Variants in MAN1C1 observed in about 807,000 individuals in gnomAD.
The protein encoded by MAN1C1 is mannosyl-oligosaccharide 1,2-alpha-mannosidase IC.
Under a neutral mutation model 71.5 loss-of-function variants are expected in MAN1C1, and 49 were observed. The ratio of observed to expected loss-of-function variants is 0.69; its 90% CI spans 0.54 to 0.87. The LOEUF is 0.87. Among genes scored for constraint, MAN1C1 ranks in the 40% least tolerant of loss-of-function variants. The pLI, the probability that MAN1C1 is intolerant of heterozygous loss-of-function variation, is 0.00. For synonymous variants in MAN1C1, 352 were observed against 343.7 expected, an observed-to-expected ratio of 1.02 and a Z score of -0.27; for missense variants, 743 against 835.0, an observed-to-expected ratio of 0.89 and a Z score of 1.36.
Position 25,617,676 on chromosome 1 carries a change from G to A in MAN1C1, c.-122G>A, listed in dbSNP as rs2045122939. On this transcript the variant is annotated 5_prime_UTR_variant, in exon 1 of 12. Transcript: ENST00000374332. The surrounding 1 kb of genome is among the most constrained non-coding windows in gnomAD (Gnocchi z 5.1). ...TCCCCCGAAGCGGCGAAACTCTCAG[G>A]GTTGGCAACCCTGCCCAGGGACCCC... The A allele has an allele frequency of 1.2e-6, 1 of 837,764 alleles. No individual in the cohort carries two copies. Among genetic ancestry groups the A allele is most frequent in the Non-Finnish European group, 1.8e-6 (1 of 565,932 alleles). 51.9% of individuals were successfully genotyped at this position (837,764 alleles called of 1,614,324 possible).
At chr1:25,745,500 G>GT (rs1041781339) in intron 2 of MAN1C1, among the ~76,000 whole-genome samples, 3 of 151,932 alleles carry the variant, frequency 2.0e-5, no homozygotes, top group Admixed American at 6.6e-5. Context: ...ATTATACTGT[G>GT]TTTTTTTCTT....
chr1:25,690,288 CTTTTT>C (rs33932251), intron 2 of MAN1C1, among the ~76,000 whole-genome samples: 2 of 119,760 alleles, frequency 1.7e-5, no homozygotes, highest in Non-Finnish European at 3.3e-5. Flanking sequence ...ATCTCTGCCT[CTTTTT>C]TTTTTTTTTT....
In MAN1C1 at chr1:25,743,748, A is replaced by G. The variant is rs559136376; in HGVS notation, c.638-2920A>G. On this transcript the variant is annotated intron_variant, in intron 2 of 11. Transcript: ENST00000374332. ...TGCCCTCCCAGCCTGATCTAGAGGA[A>G]GAAGGGCGCATGGGGTGAAAACACC... is the stretch of plus-strand genomic sequence containing the variant. Among the ~76,000 whole-genome samples the G allele has an allele frequency of 2.4e-3, 360 of 152,338 alleles. 1 individual carries two copies. Among genetic ancestry groups the G allele is most frequent in the Non-Finnish European group, 4.1e-3 (282 of 68,020 alleles).
At chr1:25,704,477 A>G (rs2046491059) in intron 2 of MAN1C1, among the ~76,000 whole-genome samples, 1 of 152,244 alleles carries the variant, frequency 6.6e-6, no homozygotes. Flanking sequence ...ACATCTGGGC[A>G]TCACTTGGCA....
intron 2 of MAN1C1, among the ~76,000 whole-genome samples, chr1:25,689,563 G>A (rs2046279061): frequency 5.9e-5 from 9 of 152,166 alleles, no homozygotes; most frequent in Admixed American, 5.9e-4. Flanking sequence ...GGGCATTCTT[G>A]GAGCCTGAGA....
At chr1:25,674,082 G>A (rs1449225702) in intron 1 of MAN1C1, among the ~76,000 whole-genome samples, 1 of 152,202 alleles carries the variant, frequency 6.6e-6, no homozygotes, top group Non-Finnish European at 1.5e-5. Flanking sequence ...CCAATGCAGT[G>A]GCTCCCAGGT....
intron 7 of MAN1C1, among the ~76,000 whole-genome samples, chr1:25,768,714 C>T (rs913001086): frequency 1.5e-5 from 2 of 132,774 alleles, no homozygotes; most frequent in African/African-American, 5.7e-5. Flanking sequence ...ACACTACATA[C>T]ACTCCCCCTA....
At chr1:25,687,145 A>C (rs1187576853) in intron 2 of MAN1C1, among the ~76,000 whole-genome samples, 2 of 152,144 alleles carry the variant, frequency 1.3e-5, no homozygotes, top group African/African-American at 4.8e-5. Context: ...AAGGGTATAG[A>C]GTCATGGCTC....
At chr1:25,661,432 G>C (rs751206102) in intron 1 of MAN1C1, among the ~76,000 whole-genome samples, 1 of 152,180 alleles carries the variant, frequency 6.6e-6, no homozygotes, top group Admixed American at 6.5e-5. Context: ...ATATGTTAAC[G>C]GCATGGTATG....
At chr1:25,686,623 T>A in intron 2 of MAN1C1, 87 bp downstream of exon 2, 1 of 1,134,872 alleles carries the variant, frequency 8.8e-7, no homozygotes, top group Non-Finnish European at 1.3e-6. Flanking sequence ...GCTTTTCACC[T>A]CCTGAGCTGT....
At chr1:25,763,635 G>A in intron 6 of MAN1C1, 1 of 522,576 alleles carries the variant, frequency 1.9e-6, no homozygotes, top group Non-Finnish European at 3.5e-6. Context: ...GTGCCAGGCA[G>A]AGCAGTCAGT....
At chr1:25,651,531 G>A (rs2124067135) in intron 1 of MAN1C1, among the ~76,000 whole-genome samples, 1 of 152,354 alleles carries the variant, frequency 6.6e-6, no homozygotes, top group Admixed American at 6.5e-5. Flanking sequence ...CCTCAAAGAA[G>A]TATCCAGCCT....
chr1:25,617,857 G>A lies in MAN1C1; in HGVS notation c.60G>A (p.Pro20=). The A allele has an allele frequency of 6.2e-7, 1 of 1,606,478 alleles. No individual in the cohort carries two copies. Among genetic ancestry groups the A allele is most frequent in the African/African-American group, 1.3e-5 (1 of 74,182 alleles). The change falls in exon 1 of 12, where the codon CCG becomes CCA. Residue 20 remains proline, a synonymous_variant. Transcript: ENST00000374332. This position sits in a 1 kb window ranked among gnomAD's most constrained non-coding sequence, Gnocchi z 5.1. ...VPASPWGLRL[P]QKFLFLLFLS... is the part of the protein sequence containing the mutation. ...CCTCCCCGTGGGGGCTGCGGCTGCCGCAGAAGTTCCTCTTCCTCCTCTTCC... is the reference window on the plus strand; with the variant it reads ...CCTCCCCGTGGGGGCTGCGGCTGCCACAGAAGTTCCTCTTCCTCCTCTTCC...
intron 1 of MAN1C1, among the ~76,000 whole-genome samples, chr1:25,642,267 C>G (rs537357577): frequency 6.6e-6 from 1 of 152,280 alleles, no homozygotes; most frequent in South Asian, 2.1e-4. Context: ...CTGAGGGCAA[C>G]AAAGCCGGTG....
At chr1:25,780,768 G>A (rs746219837) in intron 9 of MAN1C1, 172 bp from the exon 10 acceptor site, 12 of 636,382 alleles carry the variant, frequency 1.9e-5, no homozygotes, top group Non-Finnish European at 3.0e-5. Flanking sequence ...GAGGGAAGCT[G>A]TGCATCTGCC....
rs543840280 is a variant in MAN1C1 at position 25,778,456 on chromosome 1, T to A, written c.1477+132T>A. 1.1e-4 allele frequency: 97 copies of A among 878,866 alleles called. 1 individual carries two copies. Among genetic ancestry groups the A allele is most frequent in the African/African-American group, 7.8e-4 (46 of 58,878 alleles). 54.4% of individuals were successfully genotyped at this position (878,866 alleles called of 1,614,324 possible). A position where few individuals can be genotyped will look rare whatever the true frequency, so the allele number is the denominator to read the frequency against. ...GCCTCCCCTTGGAAGTTAAGTAGAA[T>A]TTGAGAGAGGTACTCTCCAGGCTCC... is the stretch of plus-strand genomic sequence containing the variant. On this transcript the variant is annotated intron_variant, in intron 9 of 11. Transcript: ENST00000374332. This position sits in a 1 kb window ranked among gnomAD's most constrained non-coding sequence, Gnocchi z 5.5.
At chr1:25,770,686 T>C (rs1310920109) in intron 7 of MAN1C1, among the ~76,000 whole-genome samples, 2 of 152,024 alleles carry the variant, frequency 1.3e-5, no homozygotes, top group African/African-American at 4.8e-5. Context: ...GCTGTTGACG[T>C]GTTCTCTCTT....
At position 25,749,293 on chromosome 1, in the gene MAN1C1, C is replaced by T. The variant is rs1455424279; in HGVS notation, c.792C>T (p.Tyr264=). Residue 264 remains tyrosine (Y), a synonymous_variant, in exon 4 of 12, where the codon TAC becomes TAT. Transcript: ENST00000374332. ...EASLFEVNIR[Y]IGGLLSAFYL... is the part of the protein sequence containing the mutation. ...CCTTGTTTGAGGTGAACATCCGCTA[C>T]ATCGGGGGACTCCTCTCAGCCTTCT... 1.2e-6 allele frequency: 2 copies of T among 1,612,532 alleles called. No homozygotes were observed. The highest frequency in any genetic ancestry group is 1.7e-6 in the Non-Finnish European group (2 of 1,179,276).
rs1010873475 is a variant in MAN1C1, at chr1:25,746,379, C to G, written c.638-289C>G. Among the ~76,000 whole-genome samples, 3 of 152,158 alleles carry G rather than the reference C, an allele frequency of 2.0e-5. No homozygotes were observed. Among genetic ancestry groups the G allele is most frequent in the African/African-American group, 7.2e-5 (3 of 41,440 alleles). On this transcript the variant is annotated intron_variant, in intron 2 of 11. Coordinates refer to ENST00000374332, the MANE Select transcript of MAN1C1 (RefSeq NM_020379.4). This position sits in a 1 kb window ranked among gnomAD's most constrained non-coding sequence, Gnocchi z 4.0. ...TGGCTGATTGGCACTGATAGTTGACCCGCTGACCAACAGAAGAGTGGACCG... is the reference window on the plus strand; with the variant it reads ...TGGCTGATTGGCACTGATAGTTGACGCGCTGACCAACAGAAGAGTGGACCG...
Sources: gnomAD v4.1 joint callset for allele counts (sites outside exome capture counted in the v4.1 genomes callset) on GRCh38, gnomAD v4.1.1 for gene constraint, Gnocchi (gnomAD v3.1) non-coding constraint, MANE v1.5 for transcripts, NCBI Gene and HGNC (gene_info 2026-07-23, HGNC 2026-07-21) for gene names.